Variants in NKAIN3 observed in about 807,000 individuals in gnomAD.
NKAIN3 encodes sodium/potassium-transporting ATPase subunit beta-1-interacting protein 3.
In NKAIN3, 25 loss-of-function variants were observed where a neutral mutation model predicts 30.2. The ratio of observed to expected loss-of-function variants is 0.83; its 90% CI spans 0.60 to 1.16. The LOEUF (loss-of-function observed/expected upper bound fraction) is 1.16. Among genes scored for constraint, NKAIN3 ranks in the 50% most tolerant of loss-of-function variants. The pLI is 0.00. For missense variants in NKAIN3, 225 were observed against 254.1 expected (o/e 0.89, Z 0.78); for synonymous variants, 91 against 89.6 (o/e 1.02, Z -0.09).
chr8:62,388,296 T>C (rs1817487797), intron 1 of NKAIN3, among the ~76,000 whole-genome samples: 1 of 152,264 alleles, frequency 6.6e-6, no homozygotes, highest in Non-Finnish European at 1.5e-5. Context: ...TATCTGATTA[T>C]TCCTAACATA....
At chr8:62,678,431 G>A (rs1036692975) in intron 3 of NKAIN3, among the ~76,000 whole-genome samples, 1 of 152,010 alleles carries the variant, frequency 6.6e-6, no homozygotes, top group African/African-American at 2.4e-5. Flanking sequence ...GATTTGATAC[G>A]GGCTGCTCAA....
At chr8:62,274,547 T>G (rs1464466852) in intron 1 of NKAIN3, among the ~76,000 whole-genome samples, 2 of 152,162 alleles carry the variant, frequency 1.3e-5, no homozygotes, top group African/African-American at 2.4e-5. Flanking sequence ...TTAATAAATT[T>G]CTAATACATT....
At chr8:62,627,848 C>T (rs1355065728) in intron 3 of NKAIN3, among the ~76,000 whole-genome samples, 2 of 152,106 alleles carry the variant, frequency 1.3e-5, no homozygotes, top group Admixed American at 6.6e-5. Context: ...CTACCCCTTA[C>T]TGGCCATGTG....
intron 1 of NKAIN3, among the ~76,000 whole-genome samples, chr8:62,369,993 G>A (rs890468410): frequency 6.6e-6 from 1 of 152,020 alleles, no homozygotes; most frequent in Non-Finnish European, 1.5e-5. Context: ...CCAATACCTA[G>A]ATTTCTTTTT....
Position 62,891,922 on chromosome 8 carries a change from A to G in NKAIN3, c.472-26531A>G, listed in dbSNP as rs778646553. Among the ~76,000 whole-genome samples, 56 of 152,238 alleles carry G rather than the reference A, an allele frequency of 3.7e-4. 1 individual carries two copies. Among genetic ancestry groups the G allele is most frequent in the Admixed American group, 2.6e-3 (40 of 15,284 alleles). On this transcript the variant is annotated intron_variant, in intron 4 of 6. Coordinates refer to ENST00000623646, the MANE Select transcript of NKAIN3 (RefSeq NM_001304533.3). ...GCTGAATGATGAGACTAAAGTAGGGATGTCAGGAAAGACCCTGCTGAAAAC... is the reference window on the plus strand; with the variant it reads ...GCTGAATGATGAGACTAAAGTAGGGGTGTCAGGAAAGACCCTGCTGAAAAC...
intron 1 of NKAIN3, among the ~76,000 whole-genome samples, chr8:62,577,838 C>G (rs570137881): frequency 4.0e-5 from 6 of 151,864 alleles, no homozygotes; most frequent in Non-Finnish European, 7.4e-5. Context: ...CAGGAAATAC[C>G]CGTGAAATGA....
At chr8:62,847,122 GT>G (rs1418584934) in intron 4 of NKAIN3, among the ~76,000 whole-genome samples, 1 of 152,064 alleles carries the variant, frequency 6.6e-6, no homozygotes, top group Non-Finnish European at 1.5e-5. Context: ...TGTCTTTGCC[GT>G]TGTGAATGGT....
chr8:62,784,242 T>C (rs903882752), intron 4 of NKAIN3, among the ~76,000 whole-genome samples: 1 of 151,432 alleles, frequency 6.6e-6, no homozygotes, highest in African/African-American at 2.4e-5. Flanking sequence ...GTGCAAACTA[T>C]CCCTAAAGCA....
chr8:62,940,878 C>T lies in NKAIN3; in HGVS notation c.533-13024C>T, dbSNP rs116347780. 5.3e-3 allele frequency among the ~76,000 whole-genome samples: 801 copies of T among 151,540 alleles called. 9 individuals are homozygous for T. The highest frequency in any genetic ancestry group is 0.019 in the African/African-American group (777 of 41,336). ...AAGGAGCTAGAGAAAGAAGAACAAA[C>T]CGAATCCAAACCCTGCAGAAGAAAT... On this transcript the variant is annotated intron_variant, in intron 5 of 6. Coordinates refer to ENST00000623646, the MANE Select transcript of NKAIN3 (RefSeq NM_001304533.3).
chr8:62,467,439 T>C (rs1349412090), intron 1 of NKAIN3, among the ~76,000 whole-genome samples: 1 of 152,300 alleles, frequency 6.6e-6, no homozygotes, highest in African/African-American at 2.4e-5. Context: ...AGAAATCTCA[T>C]AAATTAGTGC....
intron 1 of NKAIN3, among the ~76,000 whole-genome samples, chr8:62,402,331 G>T (rs1212378682): frequency 6.6e-6 from 1 of 152,080 alleles, no homozygotes; most frequent in African/African-American, 2.4e-5. Context: ...ACTCCTCTTT[G>T]ACTCAGGGCA....
chr8:62,291,142 A>G (rs1813608923), intron 1 of NKAIN3, among the ~76,000 whole-genome samples: 1 of 151,906 alleles, frequency 6.6e-6, no homozygotes, highest in South Asian at 2.1e-4. Context: ...CTTCTTTATT[A>G]GTCTTGCTAG....
intron 1 of NKAIN3, among the ~76,000 whole-genome samples, chr8:62,506,914 G>A (rs1023806208): frequency 1.3e-5 from 2 of 152,088 alleles, no homozygotes; most frequent in Non-Finnish European, 2.9e-5. Flanking sequence ...CTCGACACCT[G>A]ATGTAGAATT....
At chr8:62,784,569 A>T (rs933292480) in intron 4 of NKAIN3, among the ~76,000 whole-genome samples, 1 of 152,052 alleles carries the variant, frequency 6.6e-6, no homozygotes, top group Admixed American at 6.6e-5. Context: ...ACTCAAGCAG[A>T]AGTATAAATT....
chr8:62,472,545 G>T (rs914407518), intron 1 of NKAIN3, among the ~76,000 whole-genome samples: 5 of 152,174 alleles, frequency 3.3e-5, no homozygotes, highest in African/African-American at 1.2e-4. Flanking sequence ...GCTTTCAAGG[G>T]TAGGTCAGGG....
chr8:62,832,437 C>T (rs960814966), intron 4 of NKAIN3, among the ~76,000 whole-genome samples: 2 of 151,976 alleles, frequency 1.3e-5, no homozygotes, highest in Non-Finnish European at 2.9e-5. Flanking sequence ...TAACACCCCA[C>T]TTAAAAGGCA....
At chr8:62,543,633 C>T (rs1808912766) in intron 1 of NKAIN3, among the ~76,000 whole-genome samples, 1 of 152,144 alleles carries the variant, frequency 6.6e-6, no homozygotes, top group Non-Finnish European at 1.5e-5. Context: ...ACTCTTAGCA[C>T]CCAGAGCCAA....
At chr8:62,849,442 T>C (rs1303632350) in intron 4 of NKAIN3, among the ~76,000 whole-genome samples, 1 of 151,978 alleles carries the variant, frequency 6.6e-6, no homozygotes, top group Non-Finnish European at 1.5e-5. Flanking sequence ...TCCTCTTTTT[T>C]TATGGAAATT....
At chr8:62,321,152 C>T (rs759102067) in intron 1 of NKAIN3, among the ~76,000 whole-genome samples, 32 of 152,202 alleles carry the variant, frequency 2.1e-4, no homozygotes, top group Non-Finnish European at 4.4e-4. Flanking sequence ...GCATTTGTCA[C>T]GTACTTCTCA....
Sources: allele counts gnomAD v4.1 joint callset (sites outside exome capture counted in the v4.1 genomes callset), GRCh38; gene constraint gnomAD v4.1.1; transcripts MANE v1.5; gene names NCBI Gene and HGNC (gene_info 2026-07-23, HGNC 2026-07-21).